The following KIRREL1 variants were observed in gnomAD, a reference collection of about 807,000 sequenced individuals.
KIRREL1 encodes kirre like nephrin family adhesion molecule 1, also known as kin of IRRE-like protein 1.
A neutral mutation model predicts 83.3 loss-of-function variants in KIRREL1; 25 were observed. That is an observed-to-expected ratio of 0.30 (90% confidence interval 0.22 to 0.42). KIRREL1 has a LOEUF of 0.42. KIRREL1 is among the 10% of genes least tolerant of loss of function. The probability of loss-of-function intolerance (pLI) is 1.00; values close to 1 mark genes in which losing one functional copy is unlikely to be tolerated. For missense variants in KIRREL1, 812 were observed against 1,032.3 expected (o/e 0.79, Z 2.92); for synonymous variants, 388 against 410.4 (o/e 0.95, Z 0.66).
intron 1 of KIRREL1, chr1:158,031,253 C>G (rs1438166569): frequency 6.6e-6 from 1 of 152,180 alleles, no homozygotes; most frequent in Admixed American, 6.5e-5. Context: ...TTCCTAATAT[C>G]AAATAATAAC....
rs1170266030 is a variant in KIRREL1, at chr1:158,032,760, CTTTCTTTTTCTTT to C, written c.52+39048_52+39060del. On this transcript the variant is annotated intron_variant, in intron 1 of 14. Coordinates refer to ENST00000359209, the MANE Select transcript of KIRREL1 (RefSeq NM_018240.7). Reference sequence around the variant, plus strand: ...CCCAGCCTGTGATGGGGAATCCCCACTTTCTTTTTCTTTTTTCTTTTTCTTTTTGAGATGGAGT... The same window carrying C: ...CCCAGCCTGTGATGGGGAATCCCCACTTTCTTTTTCTTTTTGAGATGGAGT... 1.3e-5 allele frequency among the ~76,000 whole-genome samples: 2 copies of C among 152,070 alleles called. 1 individual carries two copies. Among genetic ancestry groups the C allele is most frequent in the Admixed American group, 1.3e-4 (2 of 15,268 alleles).
chr1:158,046,120 G>A (rs573366795), intron 1 of KIRREL1, among the ~76,000 whole-genome samples: 1 of 152,344 alleles, frequency 6.6e-6, no homozygotes, highest in South Asian at 2.1e-4. Context: ...AAGGGCAGGA[G>A]CAGAGAGACC....
chr1:158,087,720 G>A (rs1302970398), intron 5 of KIRREL1, 35 bp from the exon 6 acceptor site: 3 of 1,521,478 alleles, frequency 2.0e-6, no homozygotes, highest in African/African-American at 2.7e-5. Context: ...TCAAGGGACA[G>A]AAAAGACCCT....
At chr1:157,993,836 C>CG in intron 1 of KIRREL1, 108 bp downstream of exon 1, 1 of 626,732 alleles carries the variant, frequency 1.6e-6, no homozygotes, top group African/African-American at 1.9e-5. Flanking sequence ...GGCCAGTCCC[C>CG]GGGTCCGGAC....
At chr1:158,067,266 C>T (rs1358054120) in intron 1 of KIRREL1, among the ~76,000 whole-genome samples, 1 of 152,130 alleles carries the variant, frequency 6.6e-6, no homozygotes, top group Non-Finnish European at 1.5e-5. Flanking sequence ...GTGAGAAACT[C>T]TGATGGGAGC....
At chr1:158,057,227 G>A (rs920294805) in intron 1 of KIRREL1, among the ~76,000 whole-genome samples, 1 of 152,096 alleles carries the variant, frequency 6.6e-6, no homozygotes, top group Non-Finnish European at 1.5e-5. Flanking sequence ...TTTATTTGGG[G>A]TTTGGGGACA....
At chr1:158,081,784 G>A (rs1661866116) in intron 3 of KIRREL1, among the ~76,000 whole-genome samples, 1 of 152,306 alleles carries the variant, frequency 6.6e-6, no homozygotes, top group South Asian at 2.1e-4. Flanking sequence ...TTCAGAGAAA[G>A]GTAGACTGCT....
chr1:158,093,240 G>A (rs534430032), intron 11 of KIRREL1, 99 bp from the exon 12 acceptor site: 47 of 938,362 alleles, frequency 5.0e-5, no homozygotes, highest in Non-Finnish European at 7.8e-5. Flanking sequence ...ACAAGCCAAG[G>A]TTGCCTCTGT....
chr1:158,088,387 C>T lies in KIRREL1; in HGVS notation c.977C>T (p.Thr326Ile), dbSNP rs1460843608. ...ACCACAGACATTGGCTCTGATGTGA[C>T]CCTTACCTGTGTCTGGGTTGGGAAT... Reference protein sequence around the residue: ...PTTTDIGSDVTLTCVWVGNPP... With the variant: ...PTTTDIGSDVILTCVWVGNPP... Residue 326 changes from threonine (T) to isoleucine (I), a missense_variant, in exon 8 of 15, where the codon ACC (threonine) becomes ATC (isoleucine). Transcript: ENST00000359209. 6 of 1,613,846 alleles carry T rather than the reference C, an allele frequency of 3.7e-6. No homozygotes were observed. The Admixed American group carries it at 1.0e-4, about 27-fold the overall frequency.
Position 158,045,316 on chromosome 1 carries a change from CA to C in KIRREL1, c.53-30796del, listed in dbSNP as rs1296464142. Among the ~76,000 whole-genome samples the C allele has an allele frequency of 2.0e-5, 3 of 152,200 alleles. No individual in the cohort carries two copies. In the South Asian group the frequency reaches 6.2e-4, roughly 32 times the overall value. On this transcript the variant is annotated intron_variant, in intron 1 of 14. Coordinates refer to ENST00000359209, the MANE Select transcript of KIRREL1 (RefSeq NM_018240.7). Reference sequence around the variant, plus strand: ...AGAATCCACAGGTTAGGTAAGGGCACAGTCCCCAACAAGGACTGCCCTCGTT... The same window carrying C: ...AGAATCCACAGGTTAGGTAAGGGCACGTCCCCAACAAGGACTGCCCTCGTT...
Position 158,088,375 on chromosome 1 carries a change from G to T in KIRREL1, c.965G>T (p.Gly322Val). ...VDPKPTTTDI[G>V]SDVTLTCVWV... Reference sequence around the variant, plus strand: ...CCCAAACCCACAACCACAGACATTGGCTCTGATGTGACCCTTACCTGTGTC... The same window carrying T: ...CCCAAACCCACAACCACAGACATTGTCTCTGATGTGACCCTTACCTGTGTC... Residue 322 changes from glycine to valine, a missense_variant, in exon 8 of 15, where the codon GGC (glycine) becomes GTC (valine). Around this residue, in one of 3 missense-constraint regions of KIRREL1, gnomAD observed 472 missense variants for 626.8 expected, o/e 0.75. Coordinates refer to ENST00000359209, the MANE Select transcript of KIRREL1 (RefSeq NM_018240.7). The T allele has an allele frequency of 6.2e-7, 1 of 1,613,506 alleles. No individual in the cohort carries two copies. The highest frequency in any genetic ancestry group is 8.5e-7 in the Non-Finnish European group (1 of 1,179,960).
rs767338242 is a variant in KIRREL1, at chr1:157,998,105, A to G, written c.52+4377A>G. Among the ~76,000 whole-genome samples, 16 of 152,266 alleles carry G rather than the reference A, an allele frequency of 1.1e-4. No homozygotes were observed. The South Asian group carries it at 1.2e-3, about 12-fold the overall frequency. ...AGCTAGTCTCAAACTCCAAGGCTCA[A>G]CCGCTTCTTACATCTCGGCTTCCCA... On this transcript the variant is annotated intron_variant, in intron 1 of 14. Coordinates refer to ENST00000359209, the MANE Select transcript of KIRREL1 (RefSeq NM_018240.7).
intron 1 of KIRREL1, among the ~76,000 whole-genome samples, chr1:158,014,227 AG>A (rs947216201): frequency 5.3e-5 from 8 of 151,342 alleles, no homozygotes; most frequent in Middle Eastern, 3.2e-3. Context: ...AGGAGGGAGG[AG>A]GGGGAGGGAA....
rs79698242 is a variant in KIRREL1, at chr1:158,005,374, TCCTTAGCC to T, written c.52+11649_52+11656del. ...TGCACAGAGCTTGCCAGCACGCCCA[TCCTTAGCC>T]CCAAGATTGTCTTATCTAAGCCCCT... is the stretch of plus-strand genomic sequence containing the variant. On this transcript the variant is annotated intron_variant, in intron 1 of 14. Transcript: ENST00000359209. Among the ~76,000 whole-genome samples the T allele has an allele frequency of 5.6e-3, 849 of 152,092 alleles. 52 individuals carry two copies. In the East Asian group the frequency reaches 0.13, roughly 24 times the overall value.
chr1:158,012,106 T>C (rs1441826230), intron 1 of KIRREL1, among the ~76,000 whole-genome samples: 1 of 152,128 alleles, frequency 6.6e-6, no homozygotes, highest in African/African-American at 2.4e-5. Flanking sequence ...CCCAATAAGA[T>C]TAAAAAATGT....
At chr1:158,053,469 A>G (rs1660960971) in intron 1 of KIRREL1, among the ~76,000 whole-genome samples, 1 of 152,146 alleles carries the variant, frequency 6.6e-6, no homozygotes, top group East Asian at 1.9e-4. Context: ...CCTTCCACAA[A>G]TACCCAGTGA....
At chr1:158,080,639 C>T (rs1174721190) in intron 3 of KIRREL1, among the ~76,000 whole-genome samples, 3 of 152,164 alleles carry the variant, frequency 2.0e-5, no homozygotes, top group Non-Finnish European at 4.4e-5. Context: ...GGGCTTTACA[C>T]GCCTGGGCAA....
At chr1:158,015,390 A>G (rs1659801544) in intron 1 of KIRREL1, among the ~76,000 whole-genome samples, 2 of 152,138 alleles carry the variant, frequency 1.3e-5, no homozygotes, top group African/African-American at 4.8e-5. Flanking sequence ...GATACTCTCA[A>G]TGTTATCCTC....
intron 1 of KIRREL1, among the ~76,000 whole-genome samples, chr1:158,016,196 CAGG>C (rs1659820184): frequency 6.6e-6 from 1 of 151,672 alleles, no homozygotes; most frequent in South Asian, 2.1e-4. Flanking sequence ...CCCAGCTACT[CAGG>C]AGGCCGAGGG....
Sources: allele counts gnomAD v4.1 joint callset (sites outside exome capture counted in the v4.1 genomes callset), GRCh38; gene constraint gnomAD v4.1.1; regional missense constraint gnomAD v4.1.1; transcripts MANE v1.5; gene names NCBI Gene and HGNC (gene_info 2026-07-23, HGNC 2026-07-21).